The following KIF14 variants were observed in gnomAD, a reference collection of about 807,000 sequenced individuals.
KIF14 encodes the protein kinesin-like protein KIF14.
A neutral mutation model predicts 176.2 loss-of-function variants in KIF14; 98 were observed. The ratio of observed to expected loss-of-function variants is 0.56; its 90% CI spans 0.47 to 0.66. The LOEUF is 0.66. KIF14 is among the 30% of genes least tolerant of loss of function. KIF14 has a pLI of 0.00. For missense variants in KIF14, 1,751 were observed against 1,920.4 expected, an observed-to-expected ratio of 0.91 and a Z score of 1.65; for synonymous variants, 566 against 632.2, an observed-to-expected ratio of 0.90 and a Z score of 1.57.
chr1:200,570,365 A>G (rs1481982849), intron 22 of KIF14, among the ~76,000 whole-genome samples: 1 of 152,178 alleles, frequency 6.6e-6, no homozygotes, highest in African/African-American at 2.4e-5. Context: ...GAAGGCATAG[A>G]GTGTTGTGGT....
At chr1:200,568,296 C>T (rs969699263) in intron 23 of KIF14, among the ~76,000 whole-genome samples, 3 of 151,992 alleles carry the variant, frequency 2.0e-5, no homozygotes, top group African/African-American at 7.2e-5. Flanking sequence ...CAGATAATAC[C>T]GAATAAATAA....
At chr1:200,565,382 C>T in intron 24 of KIF14, 63 bp downstream of exon 24, 1 of 1,449,102 alleles carries the variant, frequency 6.9e-7, no homozygotes, top group Non-Finnish European at 9.4e-7. Flanking sequence ...TCACTCAAAA[C>T]AAAGTGCAAT....
rs2808237 is a variant in KIF14, at chr1:200,604,130, C to G, written c.1747-175G>C. On this transcript the variant is annotated intron_variant, in intron 8 of 29. Transcript: ENST00000367350. ...TGCCCAGGCTGGAGTACAGTGGCATCATCACGGCTCACTGCAGCCTTGATC... is the reference window on the plus strand; with the variant it reads ...TGCCCAGGCTGGAGTACAGTGGCATGATCACGGCTCACTGCAGCCTTGATC... 0.94 allele frequency among the ~76,000 whole-genome samples: 143,414 copies of G among 152,202 alleles called. 67,669 individuals are homozygous for G. The highest frequency in any genetic ancestry group is 0.99 in the Middle Eastern group (290 of 294).
rs1024629530 is a variant in KIF14, at chr1:200,555,980, A to AG, written c.4354-527dup. ...ACAAAATTTCTAAATTTCCCTTGGA[A>AG]GGGGGTAAGTAACATATCAAGCAAA... On this transcript the variant is annotated intron_variant, in intron 27 of 29. Transcript: ENST00000367350. Among the ~76,000 whole-genome samples, 37 of 152,326 alleles carry AG rather than the reference A, an allele frequency of 2.4e-4. 1 individual carries two copies. The highest frequency in any genetic ancestry group is 8.4e-4 in the African/African-American group (35 of 41,574).
chr1:200,598,188 C>G, intron 14 of KIF14, 49 bp downstream of exon 14: 2 of 1,497,240 alleles, frequency 1.3e-6, no homozygotes, highest in Non-Finnish European at 9.1e-7. Flanking sequence ...CACATGTTAT[C>G]AAGATATAGA....
In KIF14 at chr1:200,618,276, C is replaced by T. The variant is rs1211135514; in HGVS notation, c.448G>A (p.Glu150Lys). 1 of 1,613,624 alleles carries T rather than the reference C, an allele frequency of 6.2e-7. No homozygotes were observed. Among genetic ancestry groups the T allele is most frequent in the Non-Finnish European group, 8.5e-7 (1 of 1,180,002 alleles). The change falls in exon 2 of 30, where the codon GAA becomes AAA. Residue 150 changes from glutamate to lysine, a missense_variant. Coordinates refer to ENST00000367350, the MANE Select transcript of KIF14 (RefSeq NM_014875.3). ...TTAGAAACACCATTATTTTCTGTTTCACCTCCCACATTCAGTGTCATTTTG... is the reference window on the plus strand; with the variant it reads ...TTAGAAACACCATTATTTTCTGTTTTACCTCCCACATTCAGTGTCATTTTG... ...SVKMTLNVGG[E>K]TENNGVSKES...
chr1:200,616,543 A>C (rs1660413776), intron 2 of KIF14, among the ~76,000 whole-genome samples: 1 of 152,164 alleles, frequency 6.6e-6, no homozygotes, highest in Admixed American at 6.5e-5. Flanking sequence ...AAGATTCTAC[A>C]GTACTGTATA....
intron 14 of KIF14, among the ~76,000 whole-genome samples, chr1:200,593,978 T>C (rs1659190955): frequency 7.8e-6 from 1 of 127,464 alleles, no homozygotes; most frequent in Non-Finnish European, 1.6e-5. Flanking sequence ...TCGCCCAGGC[T>C]GGAGTGTAGT....
At chr1:200,613,363 C>T (rs1371070985) in intron 4 of KIF14, among the ~76,000 whole-genome samples, 1 of 152,186 alleles carries the variant, frequency 6.6e-6, no homozygotes, top group African/African-American at 2.4e-5. Flanking sequence ...TGCTATGTAT[C>T]CTTCAAAAAT....
chr1:200,581,489 G>T (rs1476359780), intron 19 of KIF14, among the ~76,000 whole-genome samples, 195 bp from the exon 20 acceptor site: 1 of 152,064 alleles, frequency 6.6e-6, no homozygotes, highest in Non-Finnish European at 1.5e-5. Flanking sequence ...GTTTTTGCCT[G>T]TGGGAAGATG....
Position 200,606,648 on chromosome 1 carries a change from A to G in KIF14, c.1607+98T>C, listed in dbSNP as rs534914064. On this transcript the variant is annotated intron_variant, in intron 6 of 29. Transcript: ENST00000367350. ...AATAGTTACCCAGGGTTTCAAAGTT[A>G]GGAAGGCCAATGAGAATACAATAAA... 10 of 1,062,106 alleles carry G rather than the reference A, an allele frequency of 9.4e-6. No homozygotes were observed. The South Asian group carries it at 1.3e-4, about 14-fold the overall frequency. 65.8% of individuals were successfully genotyped at this position (1,062,106 alleles called of 1,614,324 possible).
intron 22 of KIF14, among the ~76,000 whole-genome samples, chr1:200,571,548 A>C (rs776099464): frequency 1.3e-5 from 2 of 152,172 alleles, no homozygotes; most frequent in Admixed American, 6.6e-5. Flanking sequence ...AATTTAGTGG[A>C]TCCTTTGAAG....
rs1558075545 is a variant in KIF14 at position 200,594,988 on chromosome 1, G to A, written c.2550-1219C>T. ...CAAAATTCCATGGCCTACCATTCTG[G>A]ACGCCCCACAATCTGGCTTCAACCA... On this transcript the variant is annotated intron_variant, in intron 14 of 29. Transcript: ENST00000367350. Among the ~76,000 whole-genome samples the A allele has an allele frequency of 5.9e-5, 9 of 152,080 alleles. No individual in the cohort carries two copies. The South Asian group carries it at 1.9e-3, about 32-fold the overall frequency.
chr1:200,581,394 A>G, intron 19 of KIF14, 100 bp from the exon 20 acceptor site: 1 of 572,860 alleles, frequency 1.7e-6, no homozygotes, highest in Non-Finnish European at 3.1e-6. Flanking sequence ...CTGATTTTAA[A>G]TGAATGGTTT....
At position 200,618,443 on chromosome 1, in the gene KIF14, G is replaced by A; in HGVS notation, c.281C>T (p.Thr94Ile). ...PVGRLALQRRTTRNKESSLLV... is the reference protein window; with the variant it reads ...PVGRLALQRRITRNKESSLLV... ...CAAAGATGATTCTTTGTTCCTTGTA[G>A]TTCTCCTCTGAAGTGCCAATCTACC... The change falls in exon 2 of 30, where the codon ACT (threonine) becomes ATT (isoleucine). Residue 94 changes from threonine (T) to isoleucine (I), a missense_variant. By Grantham distance (89) the Thr-to-Ile change is moderately conservative (BLOSUM62 -1). Coordinates refer to ENST00000367350, the MANE Select transcript of KIF14 (RefSeq NM_014875.3). The A allele has an allele frequency of 1.9e-6, 3 of 1,614,138 alleles. 1 individual carries two copies. Among genetic ancestry groups the A allele is most frequent in the Middle Eastern group, 3.3e-4 (2 of 6,062 alleles).
chr1:200,606,070 G>A (rs1239368053), intron 6 of KIF14, among the ~76,000 whole-genome samples, 176 bp from the exon 7 acceptor site: 1 of 151,916 alleles, frequency 6.6e-6, no homozygotes, highest in Admixed American at 6.6e-5. Flanking sequence ...TTGAAGGACA[G>A]GAAATAAAAT....
chr1:200,601,246 G>T (rs538147227), intron 11 of KIF14, among the ~76,000 whole-genome samples: 2 of 152,264 alleles, frequency 1.3e-5, no homozygotes, highest in South Asian at 4.1e-4. Flanking sequence ...AAAAGGGAAA[G>T]GATGGACCAG....
intron 21 of KIF14, among the ~76,000 whole-genome samples, chr1:200,579,593 G>T (rs1296711976): frequency 6.8e-6 from 1 of 147,320 alleles, no homozygotes; most frequent in Admixed American, 6.8e-5. Flanking sequence ...TGGGCAACAA[G>T]AGTGAAATTC....
chr1:200,595,429 T>C (rs1267379510), intron 14 of KIF14, among the ~76,000 whole-genome samples: 1 of 152,186 alleles, frequency 6.6e-6, no homozygotes. Flanking sequence ...ATAAAGTTCA[T>C]GGTCTAGTGA....
Sources: gnomAD v4.1 joint callset for allele counts (sites outside exome capture counted in the v4.1 genomes callset) on GRCh38, gnomAD v4.1.1 for gene constraint, MANE v1.5 for transcripts, NCBI Gene and HGNC (gene_info 2026-07-23, HGNC 2026-07-21) for gene names.